Variants in MSI2 observed in about 807,000 individuals in gnomAD.
MSI2 encodes the protein RNA-binding protein Musashi homolog 2.
MSI2 carries 17 observed loss-of-function variants against 45.6 expected under a neutral mutation model. The ratio of observed to expected loss-of-function variants is 0.37; its 90% CI spans 0.26 to 0.56. MSI2 has a LOEUF of 0.56. Among genes scored for constraint, MSI2 ranks in the 20% least tolerant of loss-of-function variants. The probability of loss-of-function intolerance (pLI) is 0.77; values close to 1 mark genes in which losing one functional copy is unlikely to be tolerated. For missense variants in MSI2, 293 were observed against 444.2 expected (o/e 0.66, Z 3.06); for synonymous variants, 156 against 158.2 (o/e 0.99, Z 0.11).
At chr17:57,464,667 C>A (rs1168455138) in intron 6 of MSI2, among the ~76,000 whole-genome samples, 7 of 152,116 alleles carry the variant, frequency 4.6e-5, no homozygotes, top group Non-Finnish European at 7.4e-5. Context: ...AGAGGCAGGG[C>A]ATCCTCCCAC....
downstream of MSI2, among the ~76,000 whole-genome samples, chr17:57,689,454 G>A (rs1913941892): frequency 6.6e-6 from 1 of 152,176 alleles, no homozygotes; most frequent in Admixed American, 6.5e-5. Flanking sequence ...GTGGTTTCAT[G>A]TAAGCGCTAA....
chr17:57,567,561 G>C, intron 7 of MSI2, among the ~76,000 whole-genome samples: 1 of 152,232 alleles, frequency 6.6e-6, no homozygotes, highest in East Asian at 1.9e-4. Flanking sequence ...TTACTGTAAA[G>C]TGCAGCTGCC....
intron 5 of MSI2, among the ~76,000 whole-genome samples, chr17:57,363,535 C>T (rs922981842): frequency 1.3e-5 from 2 of 152,150 alleles, no homozygotes; most frequent in Non-Finnish European, 2.9e-5. Context: ...GTCAGGAGTT[C>T]GAGACCAGCA....
chr17:57,324,569 T>C (rs1180080863), intron 5 of MSI2, among the ~76,000 whole-genome samples: 5 of 152,226 alleles, frequency 3.3e-5, no homozygotes, highest in African/African-American at 9.6e-5. Flanking sequence ...TGTCACCAGC[T>C]GACACCTCTC....
At chr17:57,258,841 C>G (rs8071058) in intron 4 of MSI2, among the ~76,000 whole-genome samples, 61,601 of 151,908 alleles carry the variant, frequency 0.41, 15,838 homozygotes, top group African/African-American at 0.73. Flanking sequence ...TTGGAATGTG[C>G]TTTGGGAAGG....
At chr17:57,550,578 T>C (rs2087280378) in intron 7 of MSI2, among the ~76,000 whole-genome samples, 1 of 152,208 alleles carries the variant, frequency 6.6e-6, no homozygotes, top group Non-Finnish European at 1.5e-5. Context: ...TTTTACCTTT[T>C]CTTTTCCAAA....
chr17:57,685,234 C>G (rs747559006), downstream of MSI2, among the ~76,000 whole-genome samples: 12 of 152,080 alleles, frequency 7.9e-5, no homozygotes, highest in Non-Finnish European at 1.6e-4. Context: ...CTCTCTCTAC[C>G]AAACAAACGA....
intron 6 of MSI2, among the ~76,000 whole-genome samples, chr17:57,502,364 A>C (rs2143874115): frequency 6.6e-6 from 1 of 151,990 alleles, no homozygotes; most frequent in South Asian, 2.1e-4. Context: ...TCTCCTCATA[A>C]GCAGGATGAA....
At chr17:57,257,025 G>A in intron 1 of MSI2, 73 bp from the exon 2 acceptor site, 1 of 1,487,476 alleles carries the variant, frequency 6.7e-7, no homozygotes, top group Non-Finnish European at 9.2e-7. Flanking sequence ...TTTCCTTTTA[G>A]CTTTTGTAAG....
intron 6 of MSI2, among the ~76,000 whole-genome samples, chr17:57,513,700 C>T (rs184187458): frequency 6.6e-6 from 1 of 152,186 alleles, no homozygotes; most frequent in South Asian, 2.1e-4. Flanking sequence ...AGCCTCACCC[C>T]CCTCCCGGGC....
chr17:57,578,860 C>G (rs1431630164), intron 7 of MSI2, among the ~76,000 whole-genome samples: 1 of 152,022 alleles, frequency 6.6e-6, no homozygotes, highest in African/African-American at 2.4e-5. Flanking sequence ...TTCTTTTTCC[C>G]CCTCCTCTTT....
At chr17:57,382,763 A>C (rs905128854) in intron 5 of MSI2, among the ~76,000 whole-genome samples, 1 of 152,234 alleles carries the variant, frequency 6.6e-6, no homozygotes, top group African/African-American at 2.4e-5. Flanking sequence ...GTAGCTGCTC[A>C]GAAATTGTGT....
intron 7 of MSI2, among the ~76,000 whole-genome samples, chr17:57,560,172 T>C (rs990166716): frequency 6.6e-6 from 1 of 152,262 alleles, no homozygotes; most frequent in East Asian, 1.9e-4. Context: ...AAACCTATTA[T>C]GGTCCACGGA....
intron 6 of MSI2, among the ~76,000 whole-genome samples, chr17:57,514,838 G>A (rs976379850): frequency 2.0e-5 from 3 of 151,658 alleles, no homozygotes; most frequent in Non-Finnish European, 2.9e-5. Flanking sequence ...AACCTCTCAG[G>A]GTCAACAGAA....
chr17:57,405,089 C>T (rs977182182), intron 6 of MSI2, among the ~76,000 whole-genome samples: 2 of 152,074 alleles, frequency 1.3e-5, no homozygotes, highest in African/African-American at 4.8e-5. Context: ...AAGGGTAAGG[C>T]AGCAGATACT....
intron 6 of MSI2, among the ~76,000 whole-genome samples, chr17:57,456,110 C>T (rs1487150857): frequency 2.6e-5 from 4 of 152,218 alleles, no homozygotes; most frequent in East Asian, 1.9e-4. Context: ...ACAAGAACAT[C>T]GAACAACCAC....
chr17:57,661,573 C>T (rs1911994881), intron 11 of MSI2, among the ~76,000 whole-genome samples: 1 of 151,946 alleles, frequency 6.6e-6, no homozygotes, highest in African/African-American at 2.4e-5. Context: ...ATCCTGGGGT[C>T]TGGGGCTGGG....
intron 6 of MSI2, among the ~76,000 whole-genome samples, chr17:57,422,749 A>G (rs549333735): frequency 1.3e-5 from 2 of 152,238 alleles, no homozygotes; most frequent in Non-Finnish European, 2.9e-5. Flanking sequence ...TACAGCGTAA[A>G]TCACCATCAT....
chr17:57,561,513 C>A (rs537807097), intron 7 of MSI2, among the ~76,000 whole-genome samples: 4 of 152,306 alleles, frequency 2.6e-5, no homozygotes, highest in Non-Finnish European at 5.9e-5. Context: ...CCCACCTCCA[C>A]CCCCACCTGA....
Sources: gnomAD v4.1 joint callset for allele counts (sites outside exome capture counted in the v4.1 genomes callset) on GRCh38, gnomAD v4.1.1 for gene constraint, MANE v1.5 for transcripts, NCBI Gene and HGNC (gene_info 2026-07-23, HGNC 2026-07-21) for gene names.